Variants in EYS observed in about 807,000 individuals in gnomAD.
EYS encodes the protein protein eyes shut homolog.
A neutral mutation model predicts 282.1 loss-of-function variants in EYS; 250 were observed. That is an observed-to-expected ratio of 0.89 (90% CI 0.80 to 0.98). EYS has a LOEUF of 0.98. Ranked by LOEUF, EYS falls within the 50% of genes least tolerant of loss-of-function variation. The probability of loss-of-function intolerance (pLI) is 0.00; values close to 1 mark genes in which losing one functional copy is unlikely to be tolerated. For synonymous variants in EYS, 1,355 were observed against 1,282.9 expected (o/e 1.06, Z -1.20); for missense variants, 4,016 against 3,709.0 (o/e 1.08, Z -2.15).
At chr6:64,530,905 G>GA in intron 26 of EYS, among the ~76,000 whole-genome samples, 1 of 152,140 alleles carries the variant, frequency 6.6e-6, no homozygotes, top group African/African-American at 2.4e-5. Flanking sequence ...TTTGTCACAA[G>GA]AAATTTATTC....
At chr6:63,817,928 A>C (rs1317075239) in intron 36 of EYS, among the ~76,000 whole-genome samples, 1 of 152,136 alleles carries the variant, frequency 6.6e-6, no homozygotes, top group Non-Finnish European at 1.5e-5. Flanking sequence ...TGGATGTGTG[A>C]AGCACTATCC....
At chr6:64,477,171 C>T (rs1776297194) in intron 26 of EYS, among the ~76,000 whole-genome samples, 1 of 152,094 alleles carries the variant, frequency 6.6e-6, no homozygotes, top group Admixed American at 6.6e-5. Flanking sequence ...TCTTCAGTGA[C>T]TTTGTTTTTG....
chr6:64,070,399 A>G (rs939948588), intron 32 of EYS, among the ~76,000 whole-genome samples: 1 of 152,144 alleles, frequency 6.6e-6, no homozygotes, highest in Non-Finnish European at 1.5e-5. Context: ...AGAAAATGTT[A>G]GAAAGCTCTC....
intron 36 of EYS, among the ~76,000 whole-genome samples, chr6:63,857,177 G>T (rs566287496): frequency 1.3e-4 from 20 of 152,232 alleles, no homozygotes; most frequent in Middle Eastern, 3.4e-3. Context: ...TGACTTCGTA[G>T]TCCGAGATGA....
intron 37 of EYS, chr6:63,797,203 G>A (rs1562030585): frequency 6.6e-6 from 1 of 152,186 alleles, no homozygotes; most frequent in Non-Finnish European, 1.5e-5. Flanking sequence ...CTGGCTATGA[G>A]AGGGTATATT....
At chr6:64,610,745 A>C (rs1767088768) in intron 24 of EYS, among the ~76,000 whole-genome samples, 1 of 152,190 alleles carries the variant, frequency 6.6e-6, no homozygotes, top group Non-Finnish European at 1.5e-5. Flanking sequence ...CTGTGCCATA[A>C]TAAAATGTAA....
At chr6:64,768,948 T>C (rs1773438999) in intron 22 of EYS, among the ~76,000 whole-genome samples, 1 of 152,104 alleles carries the variant, frequency 6.6e-6, no homozygotes, top group South Asian at 2.1e-4. Flanking sequence ...AGGAAAAGTG[T>C]TGGCAATTGT....
At chr6:64,381,975 C>T (rs971683077) in intron 29 of EYS, among the ~76,000 whole-genome samples, 3 of 151,988 alleles carry the variant, frequency 2.0e-5, no homozygotes, top group African/African-American at 7.3e-5. Flanking sequence ...TAATAATATC[C>T]ATATCAAAGA....
At chr6:64,091,635 A>C (rs751391899) in intron 31 of EYS, among the ~76,000 whole-genome samples, 3 of 152,186 alleles carry the variant, frequency 2.0e-5, no homozygotes, top group Non-Finnish European at 2.9e-5. Flanking sequence ...GGCTGGGTGG[A>C]TCAGGCACTG....
intron 5 of EYS, among the ~76,000 whole-genome samples, chr6:65,414,204 G>C (rs1040069255): frequency 6.6e-6 from 1 of 152,150 alleles, no homozygotes; most frequent in Non-Finnish European, 1.5e-5. Flanking sequence ...CGAAAGCTAA[G>C]AGACTGAGTC....
intron 29 of EYS, among the ~76,000 whole-genome samples, chr6:64,372,227 G>A (rs1249150303): frequency 6.8e-6 from 1 of 146,194 alleles, no homozygotes. Flanking sequence ...TTGTAAGGTA[G>A]GTCTGGTGGT....
intron 2 of EYS, among the ~76,000 whole-genome samples, chr6:65,609,720 ACAAT>A (rs1276577646): frequency 1.3e-5 from 2 of 152,188 alleles, no homozygotes; most frequent in Non-Finnish European, 1.5e-5. Context: ...AGTTCTTTAA[ACAAT>A]CAGTTTCTCC....
chr6:65,558,327 G>C (rs971363644), intron 2 of EYS, among the ~76,000 whole-genome samples: 1 of 152,242 alleles, frequency 6.6e-6, no homozygotes, highest in African/African-American at 2.4e-5. Flanking sequence ...TTGAGTGTGT[G>C]CACAGCAGGC....
chr6:64,639,480 C>T (rs566769564), intron 22 of EYS, among the ~76,000 whole-genome samples: 1 of 90,882 alleles, frequency 1.1e-5, no homozygotes, highest in Non-Finnish European at 2.4e-5. Flanking sequence ...AATTAAAAAG[C>T]GTTTTGCAGC....
chr6:64,198,220 G>C (rs937857436), intron 31 of EYS, among the ~76,000 whole-genome samples: 1 of 151,280 alleles, frequency 6.6e-6, no homozygotes, highest in Middle Eastern at 3.2e-3. Context: ...TGTTTGCCAG[G>C]ATGGTCTAGA....
intron 29 of EYS, among the ~76,000 whole-genome samples, chr6:64,312,038 C>T (rs1284263846): frequency 1.3e-5 from 2 of 148,244 alleles, no homozygotes; most frequent in Non-Finnish European, 3.0e-5. Context: ...GAAGCATTCA[C>T]TCCCCTGCAA....
intron 35 of EYS, among the ~76,000 whole-genome samples, chr6:63,904,075 A>G (rs1034881503): frequency 3.9e-5 from 6 of 152,100 alleles, no homozygotes; most frequent in Non-Finnish European, 8.8e-5. Context: ...TTTCTCATGT[A>G]GTGTCTTAAA....
intron 5 of EYS, 24 bp downstream of exon 5, chr6:65,490,570 G>T: frequency 8.3e-7 from 1 of 1,198,298 alleles, no homozygotes; most frequent in Non-Finnish European, 1.2e-6. Context: ...TGTGTATATG[G>T]TTGTATACAT....
intron 12 of EYS, among the ~76,000 whole-genome samples, chr6:65,202,834 T>C (rs578136845): frequency 6.6e-6 from 1 of 152,090 alleles, no homozygotes; most frequent in Non-Finnish European, 1.5e-5. Context: ...TAAGAGGGTG[T>C]ATGAGTTGGC....
Sources: gnomAD v4.1 joint callset for allele counts (sites outside exome capture counted in the v4.1 genomes callset) on GRCh38, gnomAD v4.1.1 for gene constraint, MANE v1.5 for transcripts, NCBI Gene and HGNC (gene_info 2026-07-23, HGNC 2026-07-21) for gene names.